MRPS22: variants seen among roughly 807,000 people sequenced by gnomAD.
MRPS22 encodes small ribosomal subunit protein mS22.
MRPS22 carries 30 observed loss-of-function variants against 44.0 expected under a neutral mutation model. The observed-to-expected ratio is 0.68, with a 90% CI of 0.51 to 0.93. The LOEUF (loss-of-function observed/expected upper bound fraction) is 0.93. MRPS22 is among the 40% of genes least tolerant of loss of function. The pLI, the probability that MRPS22 is intolerant of heterozygous loss-of-function variation, is 0.00. For missense variants in MRPS22, 447 were observed against 447.8 expected (o/e 1.00, Z 0.02); for synonymous variants, 165 against 154.4 (o/e 1.07, Z -0.51).
chr3:139,352,491 G>T, intron 5 of MRPS22, 156 bp from the exon 6 acceptor site: 1 of 673,108 alleles, frequency 1.5e-6, no homozygotes. Flanking sequence ...ACTAGGAATG[G>T]TTTAAATCAT....
chr3:139,347,116 C>A, intron 2 of MRPS22, 72 bp downstream of exon 2: 2 of 1,503,136 alleles, frequency 1.3e-6, no homozygotes, highest in Non-Finnish European at 1.9e-6. Context: ...GAGGCCCCTC[C>A]AGATGCTTAT....
intron 7 of MRPS22, among the ~76,000 whole-genome samples, chr3:139,356,661 T>C (rs1348151027): frequency 6.6e-6 from 1 of 152,244 alleles, no homozygotes; most frequent in Admixed American, 6.5e-5. Flanking sequence ...AGTATTAATA[T>C]TAATACAATG....
chr3:139,344,012 T>C, upstream of MRPS22: 1 of 1,614,144 alleles, frequency 6.2e-7, no homozygotes, highest in Non-Finnish European at 8.5e-7. Context: ...CCGGCGCAAG[T>C]GGCTTCTGAT....
chr3:139,355,742 G>C lies in MRPS22; in HGVS notation c.939G>C (p.Ser313=). Reference sequence around the variant, plus strand: ...ACGTGCTCCATCCAGATGGCCAGTCGGCTCAAGGGGCCAAGGATCAGGCTG... The same window carrying C: ...ACGTGCTCCATCCAGATGGCCAGTCCGCTCAAGGGGCCAAGGATCAGGCTG... The part of the protein sequence containing the change: ...LYHVLHPDGQ[S]AQGAKDQAAE... The change falls in exon 7 of 8, where the codon TCG becomes TCC. Residue 313 remains serine, a synonymous_variant. Coordinates refer to ENST00000680020, the MANE Select transcript of MRPS22 (RefSeq NM_020191.4). 6.2e-7 allele frequency: 1 copy of C among 1,614,090 alleles called. No individual in the cohort carries two copies. Among genetic ancestry groups the C allele is most frequent in the South Asian group, 1.1e-5 (1 of 91,074 alleles).
intron 5 of MRPS22, 65 bp downstream of exon 5, chr3:139,351,125 G>A: frequency 5.7e-6 from 7 of 1,228,530 alleles, no homozygotes; most frequent in African/African-American, 4.4e-5. Flanking sequence ...TTTTAATCTA[G>A]CTCAATGAAT....
In MRPS22 at chr3:139,344,128, T is replaced by C. The variant is rs1402417802; in HGVS notation, c.102T>C (p.Gly34=). ...CFRARIQPWH[G]GLLQPLPCSF... ...GGGCTCGAATCCAGCCCTGGCACGG[T>C]GGCCTGCTCCAACCGCTACCTTGCT... Residue 34 remains glycine, a synonymous_variant, in exon 1 of 8, where the codon GGT becomes GGC. Coordinates refer to ENST00000680020, the MANE Select transcript of MRPS22 (RefSeq NM_020191.4). 6.8e-6 allele frequency: 11 copies of C among 1,613,844 alleles called. No individual in the cohort carries two copies. In the East Asian group the frequency reaches 2.0e-4, roughly 29 times the overall value.
chr3:139,353,418 C>T (rs1371249038), intron 6 of MRPS22, among the ~76,000 whole-genome samples: 1 of 152,070 alleles, frequency 6.6e-6, no homozygotes. Context: ...TTAGGAAGGC[C>T]AAAATGACAA....
At chr3:139,346,229 A>T (rs1560005077) in intron 1 of MRPS22, among the ~76,000 whole-genome samples, 1 of 152,088 alleles carries the variant, frequency 6.6e-6, no homozygotes, top group Non-Finnish European at 1.5e-5. Flanking sequence ...CTCTGCCGTG[A>T]TGAGGCTCTT....
chr3:139,352,886 T>G (rs1941179957), intron 6 of MRPS22, 94 bp downstream of exon 6: 1 of 1,289,662 alleles, frequency 7.8e-7, no homozygotes, highest in Non-Finnish European at 1.1e-6. Flanking sequence ...GATAACAGTG[T>G]ACTGTCTAGT....
chr3:139,345,812 G>A (rs1941030567), intron 1 of MRPS22, among the ~76,000 whole-genome samples: 1 of 152,160 alleles, frequency 6.6e-6, no homozygotes, highest in African/African-American at 2.4e-5. Flanking sequence ...GTACATGAGA[G>A]AGGTTGAGTA....
At position 139,355,839 on chromosome 3, in the gene MRPS22, G is replaced by C. The variant is rs191301420; in HGVS notation, c.987+49G>C. On this transcript the variant is annotated intron_variant, in intron 7 of 7. Transcript: ENST00000680020. ...TTGTTTTGTGGTGGTAATTGAGCTG[G>C]GAAAAATTCAGAATTGGGTCATAAT... 463 of 1,397,368 alleles carry C rather than the reference G, an allele frequency of 3.3e-4. 5 individuals carry two copies. The East Asian group carries it at 8.2e-3, about 25-fold the overall frequency. 86.6% of individuals were successfully genotyped at this position (1,397,368 alleles called of 1,614,324 possible). A position where few individuals can be genotyped will look rare whatever the true frequency, so the allele number is the denominator to read the frequency against.
Position 139,356,932 on chromosome 3 carries a change from C to T in MRPS22, c.1001C>T (p.Thr334Ile). ...GINLIKVFAK[T>I]EAQKGAYIEL... ...TAATTTAAACAGGTCTTTGCAAAAA[C>T]AGAAGCACAGAAGGGAGCCTATATA... The change falls in exon 8 of 8, where the codon ACA (threonine) becomes ATA (isoleucine). Residue 334 changes from threonine (T) to isoleucine (I), a missense_variant. Physicochemically the swap from Thr to Ile is moderately conservative, Grantham distance 89 (BLOSUM62 -1). Coordinates refer to ENST00000680020, the MANE Select transcript of MRPS22 (RefSeq NM_020191.4). 6.2e-7 allele frequency: 1 copy of T among 1,612,366 alleles called. No individual in the cohort carries two copies. The highest frequency in any genetic ancestry group is 8.5e-7 in the Non-Finnish European group (1 of 1,179,008).
intron 4 of MRPS22, chr3:139,350,689 G>A: frequency 2.3e-6 from 1 of 443,526 alleles, no homozygotes; most frequent in Non-Finnish European, 4.2e-6. Flanking sequence ...CCCGCAATCC[G>A]ACTCCCAAAG....
chr3:139,355,644 G>C (rs368782746), intron 6 of MRPS22, 38 bp from the exon 7 acceptor site: 38 of 1,514,390 alleles, frequency 2.5e-5, no homozygotes, highest in Non-Finnish European at 3.5e-5. Context: ...ATCAAATGAA[G>C]AAAACCCCTA....
rs11556240 is a variant in MRPS22, at chr3:139,356,956, T to G, written c.1025T>G (p.Ile342Arg). Residue 342 changes from isoleucine to arginine, a missense_variant, in exon 8 of 8, where the codon ATA becomes AGA. By Grantham distance (97) the Ile-to-Arg change is moderately conservative (BLOSUM62 -3). Transcript: ENST00000680020. ...AKTEAQKGAY[I>R]ELTLQTYQEA... ...ACAGAAGCACAGAAGGGAGCCTATA[T>G]AGAACTAACACTGCAGACTTATCAA... is the stretch of plus-strand genomic sequence containing the variant. 1 of 1,613,320 alleles carries G rather than the reference T, an allele frequency of 6.2e-7. No individual in the cohort carries two copies. The highest frequency in any genetic ancestry group is 1.7e-5 in the Admixed American group (1 of 60,024).
chr3:139,356,859 A>G, intron 7 of MRPS22, 60 bp from the exon 8 acceptor site: 1 of 1,297,138 alleles, frequency 7.7e-7, no homozygotes, highest in Non-Finnish European at 1.1e-6. Context: ...CTTAAAACTG[A>G]AAAACTTTAT....
intron 3 of MRPS22, among the ~76,000 whole-genome samples, chr3:139,349,830 C>T (rs557946406): frequency 6.6e-6 from 1 of 152,256 alleles, no homozygotes; most frequent in African/African-American, 2.4e-5. Flanking sequence ...TTAGATGAGA[C>T]TTTGGGATAG....
Position 139,355,803 on chromosome 3 carries a change from T to A in MRPS22, c.987+13T>A. On this transcript the variant is annotated intron_variant, in intron 7 of 7. Transcript: ENST00000680020. ...AAATTTAATCAAGGTAAAGTTTTTTTTTCATATTGGTTGTTTTGTGGTGGT... is the reference window on the plus strand; with the variant it reads ...AAATTTAATCAAGGTAAAGTTTTTTATTCATATTGGTTGTTTTGTGGTGGT... 6.2e-7 allele frequency: 1 copy of A among 1,600,818 alleles called. No homozygotes were observed. Among genetic ancestry groups the A allele is most frequent in the African/African-American group, 1.3e-5 (1 of 74,788 alleles).
At chr3:139,349,373 G>A in intron 3 of MRPS22, 1 of 444,844 alleles carries the variant, frequency 2.2e-6, no homozygotes, top group South Asian at 1.6e-5. Flanking sequence ...CACATTTAGA[G>A]ACTCCTACAC....
Sources: allele counts gnomAD v4.1 joint callset (sites outside exome capture counted in the v4.1 genomes callset), GRCh38; gene constraint gnomAD v4.1.1; transcripts MANE v1.5; gene names NCBI Gene and HGNC (gene_info 2026-07-23, HGNC 2026-07-21).